The following FSTL4 variants were observed in gnomAD, a reference collection of about 807,000 sequenced individuals.
The protein encoded by FSTL4 is follistatin-related protein 4.
In FSTL4, 28 loss-of-function variants were observed where a neutral mutation model predicts 78.2. That is an observed-to-expected ratio of 0.36 (90% CI 0.27 to 0.49). FSTL4 has a LOEUF of 0.49. FSTL4 is among the 20% of genes least tolerant of loss of function. The pLI is 0.98. For synonymous variants in FSTL4, 422 were observed against 440.5 expected, an observed-to-expected ratio of 0.96 and a Z score of 0.53; for missense variants, 922 against 1,084.9, an observed-to-expected ratio of 0.85 and a Z score of 2.11.
At chr5:133,327,549 G>A (rs1259294230) in intron 4 of FSTL4, among the ~76,000 whole-genome samples, 3 of 152,166 alleles carry the variant, frequency 2.0e-5, no homozygotes, top group Non-Finnish European at 1.5e-5. Context: ...TAGCTGGAGG[G>A]TGCCCGCCTC....
At chr5:133,212,733 T>G (rs1173784548) in intron 13 of FSTL4, among the ~76,000 whole-genome samples, 5 of 152,146 alleles carry the variant, frequency 3.3e-5, no homozygotes, top group African/African-American at 1.2e-4. Flanking sequence ...TTTTTTTCAA[T>G]CTTTTGAAAG....
At chr5:133,289,106 G>A (rs1190002053) in intron 6 of FSTL4, among the ~76,000 whole-genome samples, 1 of 152,142 alleles carries the variant, frequency 6.6e-6, no homozygotes, top group Non-Finnish European at 1.5e-5. Context: ...AGCTGCCCTT[G>A]GGAACTGGGA....
At chr5:133,446,120 A>G (rs557581436) in intron 3 of FSTL4, among the ~76,000 whole-genome samples, 35 of 152,180 alleles carry the variant, frequency 2.3e-4, no homozygotes, top group Admixed American at 4.6e-4. Flanking sequence ...GGGGGCAGCC[A>G]GAGCTATTTG....
At chr5:133,360,473 ATTTTTTTTT>A (rs57176651) in intron 4 of FSTL4, among the ~76,000 whole-genome samples, 3 of 131,014 alleles carry the variant, frequency 2.3e-5, no homozygotes, top group South Asian at 2.5e-4. Context: ...TCAGGCAATA[ATTTTTTTTT>A]TTTTTTTTTT....
the FSTL4 span, among the ~76,000 whole-genome samples, chr5:133,721,863 A>G: frequency 1.3e-5 from 2 of 152,296 alleles, no homozygotes; most frequent in South Asian, 4.1e-4. Context: ...TTATTAAATA[A>G]GTTTTGTGTC....
At chr5:133,787,218 G>A in the FSTL4 span, among the ~76,000 whole-genome samples, 1,436 of 151,522 alleles carry the variant, frequency 9.5e-3, 14 homozygotes, top group Non-Finnish European at 0.015. Context: ...ACTAAAATAC[G>A]GTTCACTATT....
rs372529734 is a variant in FSTL4 at position 133,326,602 on chromosome 5, C to T, written c.410-9950G>A. On this transcript the variant is annotated intron_variant, in intron 4 of 15. Coordinates refer to ENST00000265342, the MANE Select transcript of FSTL4 (RefSeq NM_015082.2). ...CCCACTCCCTGCCAGAAAGCCCGCC[C>T]GCAGAGCTTGCTCCCAGGTGCCCCA... 3.0e-4 allele frequency among the ~76,000 whole-genome samples: 45 copies of T among 152,338 alleles called. No homozygotes were observed. In the East Asian group the frequency reaches 3.3e-3, roughly 11 times the overall value.
At chr5:133,502,595 G>A (rs895660451) in intron 3 of FSTL4, among the ~76,000 whole-genome samples, 1 of 152,140 alleles carries the variant, frequency 6.6e-6, no homozygotes, top group Non-Finnish European at 1.5e-5. Flanking sequence ...CTGTTCATGT[G>A]AAATGAGTGA....
chr5:133,692,109 C>A, the FSTL4 span, among the ~76,000 whole-genome samples: 1 of 152,110 alleles, frequency 6.6e-6, no homozygotes, highest in Non-Finnish European at 1.5e-5. Flanking sequence ...TGGGAAGCTG[C>A]CCTGAAGAGG....
At chr5:133,446,713 C>T (rs1276138650) in intron 3 of FSTL4, among the ~76,000 whole-genome samples, 1 of 152,232 alleles carries the variant, frequency 6.6e-6, no homozygotes, top group African/African-American at 2.4e-5. Context: ...CCAAAGTCTA[C>T]AGCAAAGGTT....
chr5:133,688,376 GC>G, the FSTL4 span, among the ~76,000 whole-genome samples: 3,256 of 152,300 alleles, frequency 0.021, 117 homozygotes, highest in African/African-American at 0.075. Context: ...TCACACCATG[GC>G]ACTCCAGCCT....
At chr5:133,441,732 C>T (rs1414117268) in intron 3 of FSTL4, among the ~76,000 whole-genome samples, 1 of 152,192 alleles carries the variant, frequency 6.6e-6, no homozygotes. Context: ...CCACCAGAGC[C>T]CACTCCCTCC....
At chr5:133,226,236 C>A (rs1256641450) in intron 8 of FSTL4, among the ~76,000 whole-genome samples, 1 of 152,196 alleles carries the variant, frequency 6.6e-6, no homozygotes, top group Non-Finnish European at 1.5e-5. Context: ...TCAGAAAGCA[C>A]TTATGGCACT....
At chr5:133,555,960 C>T (rs1474646602) in intron 3 of FSTL4, among the ~76,000 whole-genome samples, 5 of 152,170 alleles carry the variant, frequency 3.3e-5, no homozygotes, top group South Asian at 2.1e-4. Context: ...TTGCCCAGAC[C>T]CGTGGGTTTT....
At chr5:133,664,920 T>C in the FSTL4 span, among the ~76,000 whole-genome samples, 4 of 152,208 alleles carry the variant, frequency 2.6e-5, no homozygotes, top group Non-Finnish European at 5.9e-5. Context: ...GATTAGGATA[T>C]GAAATCAATT....
chr5:133,271,805 G>A (rs1170143919), intron 6 of FSTL4, among the ~76,000 whole-genome samples: 9 of 152,308 alleles, frequency 5.9e-5, no homozygotes, highest in South Asian at 4.2e-4. Context: ...CTGAGCAGGC[G>A]GGGGATGAAC....
At chr5:133,526,450 G>A (rs546037966) in intron 3 of FSTL4, among the ~76,000 whole-genome samples, 22 of 152,228 alleles carry the variant, frequency 1.4e-4, no homozygotes, top group African/African-American at 4.3e-4. Context: ...CAGCCAGAAC[G>A]AAGGGGACTT....
chr5:133,413,914 A>G (rs1756527279), intron 3 of FSTL4, among the ~76,000 whole-genome samples: 1 of 152,116 alleles, frequency 6.6e-6, no homozygotes, highest in Admixed American at 6.5e-5. Flanking sequence ...CTTGATTTTC[A>G]ATCATATTTT....
intron 4 of FSTL4, among the ~76,000 whole-genome samples, chr5:133,352,757 C>T (rs911947214): frequency 4.6e-5 from 7 of 152,126 alleles, no homozygotes; most frequent in African/African-American, 1.7e-4. Context: ...CCAGCTGCAT[C>T]CATGTTGTTG....
Sources: allele counts gnomAD v4.1 joint callset (sites outside exome capture counted in the v4.1 genomes callset), GRCh38; gene constraint gnomAD v4.1.1; transcripts MANE v1.5; gene names NCBI Gene and HGNC (gene_info 2026-07-23, HGNC 2026-07-21).